CASQ2: variants seen among roughly 807,000 people sequenced by gnomAD.
CASQ2 encodes calsequestrin-2.
A neutral mutation model predicts 46.5 loss-of-function variants in CASQ2; 49 were observed. That is an observed-to-expected ratio of 1.05 (90% confidence interval 0.84 to 1.34). The LOEUF is 1.34. Among genes scored for constraint, CASQ2 ranks in the 40% most tolerant of loss-of-function variants. The pLI is 0.00. For synonymous variants in CASQ2, 174 were observed against 168.5 expected, an observed-to-expected ratio of 1.03 and a Z score of -0.25; for missense variants, 486 against 481.3, an observed-to-expected ratio of 1.01 and a Z score of -0.09.
chr1:115,714,282 T>C (rs1034624777), intron 8 of CASQ2, among the ~76,000 whole-genome samples: 2 of 152,198 alleles, frequency 1.3e-5, no homozygotes, highest in Non-Finnish European at 2.9e-5. Context: ...ATAGTCATGA[T>C]GTATTTAGAG....
At chr1:115,759,831 A>C (rs1648879339) in intron 1 of CASQ2, among the ~76,000 whole-genome samples, 1 of 152,156 alleles carries the variant, frequency 6.6e-6, no homozygotes, top group Non-Finnish European at 1.5e-5. Context: ...TCTTTTGGGG[A>C]AAGGGCTAAT....
At chr1:115,749,776 C>T (rs1392552625) in intron 1 of CASQ2, among the ~76,000 whole-genome samples, 2 of 152,206 alleles carry the variant, frequency 1.3e-5, no homozygotes, top group Admixed American at 1.3e-4. Flanking sequence ...CTTGCCTCCA[C>T]CTTTACTTTG....
At chr1:115,751,661 G>C (rs1166548335) in intron 1 of CASQ2, among the ~76,000 whole-genome samples, 2 of 111,414 alleles carry the variant, frequency 1.8e-5, no homozygotes, top group Non-Finnish European at 4.1e-5. Context: ...AACAGAGTGA[G>C]CCTCCATCTT....
At chr1:115,728,914 T>G (rs1481694250) in intron 5 of CASQ2, among the ~76,000 whole-genome samples, 1 of 152,050 alleles carries the variant, frequency 6.6e-6, no homozygotes, top group African/African-American at 2.4e-5. Flanking sequence ...TGGATTGTCG[T>G]GTCCTTAATT....
At chr1:115,754,858 A>G (rs1008061512) in intron 1 of CASQ2, among the ~76,000 whole-genome samples, 1 of 152,358 alleles carries the variant, frequency 6.6e-6, no homozygotes, top group African/African-American at 2.4e-5. Flanking sequence ...AATTAACTAC[A>G]GGGCAAACCC....
At chr1:115,705,062 T>C (rs1293539801) in intron 9 of CASQ2, 130 bp downstream of exon 9, 2 of 747,628 alleles carry the variant, frequency 2.7e-6, no homozygotes, top group East Asian at 2.6e-5. Context: ...GGCCAAGACC[T>C]CCCACACTGG....
rs1654191346 is a variant in CASQ2 at position 115,701,218 on chromosome 1, C to A, written c.*23G>T. On this transcript the variant is annotated 3_prime_UTR_variant, in exon 11 of 11. Transcript: ENST00000261448. ...GTAGTGGGTGCTGTGATTTTGTTTT[C>A]ATCAGAATTGTTTGGAGTTGGGCTA... is the stretch of plus-strand genomic sequence containing the variant. The A allele has an allele frequency of 6.2e-7, 1 of 1,613,624 alleles. No individual in the cohort carries two copies. Among genetic ancestry groups the A allele is most frequent in the Admixed American group, 1.7e-5 (1 of 60,004 alleles).
At chr1:115,731,748 C>T (rs977274678) in intron 5 of CASQ2, among the ~76,000 whole-genome samples, 2 of 152,170 alleles carry the variant, frequency 1.3e-5, no homozygotes, top group African/African-American at 4.8e-5. Flanking sequence ...TCTTTCAGCA[C>T]CTCAGTTTCA....
chr1:115,717,214 T>TAA (rs1224784135), intron 8 of CASQ2, among the ~76,000 whole-genome samples: 2 of 152,240 alleles, frequency 1.3e-5, no homozygotes, highest in Non-Finnish European at 2.9e-5. Flanking sequence ...CTTTTCTTTA[T>TAA]AAATTACCCT....
chr1:115,767,092 T>G (rs1649162666), intron 1 of CASQ2, among the ~76,000 whole-genome samples: 1 of 152,338 alleles, frequency 6.6e-6, no homozygotes, highest in East Asian at 1.9e-4. Context: ...ACAATGTCTC[T>G]TGATAACTGA....
chr1:115,761,506 A>G (rs1022328384), intron 1 of CASQ2, among the ~76,000 whole-genome samples: 4 of 98,260 alleles, frequency 4.1e-5, no homozygotes, highest in African/African-American at 1.2e-4. Flanking sequence ...GGAGAAGAAG[A>G]AGAAGAAGAA....
At chr1:115,754,207 G>A (rs1648678430) in intron 1 of CASQ2, among the ~76,000 whole-genome samples, 1 of 152,220 alleles carries the variant, frequency 6.6e-6, no homozygotes, top group African/African-American at 2.4e-5. Flanking sequence ...GTTCACGAAG[G>A]AGGCTGGCTC....
At chr1:115,752,168 T>TA (rs1156555251) in intron 1 of CASQ2, among the ~76,000 whole-genome samples, 1 of 152,234 alleles carries the variant, frequency 6.6e-6, no homozygotes, top group Non-Finnish European at 1.5e-5. Context: ...AGTCTGCATT[T>TA]AAATGTCAGT....
intron 8 of CASQ2, 34 bp from the exon 9 acceptor site, chr1:115,705,326 T>C (rs1211772800): frequency 1.5e-6 from 2 of 1,344,446 alleles, no homozygotes; most frequent in Middle Eastern, 1.8e-4. Flanking sequence ...GAGTAACCCC[T>C]GCACATACAC....
chr1:115,730,253 A>C (rs1009944050), intron 5 of CASQ2, among the ~76,000 whole-genome samples: 1 of 152,214 alleles, frequency 6.6e-6, no homozygotes, highest in Admixed American at 6.5e-5. Context: ...TAATATGGAT[A>C]GTGGTTGGGA....
chr1:115,757,868 T>G, intron 1 of CASQ2, among the ~76,000 whole-genome samples: 1 of 152,244 alleles, frequency 6.6e-6, no homozygotes. Context: ...AAGTATATTT[T>G]CAGTATAAGC....
At position 115,705,291 on chromosome 1, in the gene CASQ2, A is replaced by G; in HGVS notation, c.840T>C (p.Asp280=). 6.2e-7 allele frequency: 1 copy of G among 1,607,538 alleles called. No homozygotes were observed. The highest frequency in any genetic ancestry group is 8.5e-7 in the Non-Finnish European group (1 of 1,173,980). The stretch of plus-strand genomic sequence containing the variant: ...TCAGGATCTCCAGGAATTCGTAGCC[A>G]TCTGAAACAGGATTCAAGAGAGTTG... ...IVAFAEKSDP[D]GYEFLEILKQ... Residue 280 remains aspartate (D), a splice_region_variant and synonymous_variant, in exon 9 of 11, where the codon GAT becomes GAC. Coordinates refer to ENST00000261448, the MANE Select transcript of CASQ2 (RefSeq NM_001232.4).
At chr1:115,732,791 C>A in intron 5 of CASQ2, 110 bp downstream of exon 5, 2 of 787,318 alleles carry the variant, frequency 2.5e-6, no homozygotes, top group Admixed American at 1.8e-5. Flanking sequence ...GAGAAAGAGG[C>A]AAGGGAGGAT....
chr1:115,707,338 T>C (rs1333248514), intron 8 of CASQ2, among the ~76,000 whole-genome samples: 1 of 152,214 alleles, frequency 6.6e-6, no homozygotes. Flanking sequence ...GAAGGGGTCT[T>C]TATGGCCGGT....
Sources: gnomAD v4.1 joint callset for allele counts (sites outside exome capture counted in the v4.1 genomes callset) on GRCh38, gnomAD v4.1.1 for gene constraint, MANE v1.5 for transcripts, NCBI Gene and HGNC (gene_info 2026-07-23, HGNC 2026-07-21) for gene names.